Variants in CDH12 observed in about 807,000 individuals in gnomAD.
The protein encoded by CDH12 is cadherin-12.
Under a neutral mutation model 74.1 loss-of-function variants are expected in CDH12, and 41 were observed. The observed-to-expected ratio is 0.55, with a 90% CI of 0.43 to 0.72. CDH12 has a LOEUF of 0.72. CDH12 is among the 30% of genes least tolerant of loss of function. CDH12 has a pLI of 0.00. For missense variants in CDH12, 945 were observed against 977.2 expected (o/e 0.97, Z 0.44); for synonymous variants, 399 against 355.0 (o/e 1.12, Z -1.39).
At chr5:22,822,946 C>T (rs1417978010) in intron 1 of CDH12, among the ~76,000 whole-genome samples, 2 of 151,956 alleles carry the variant, frequency 1.3e-5, no homozygotes, top group African/African-American at 2.4e-5. Flanking sequence ...ATGTTTATTG[C>T]AGCACTATTC....
chr5:21,885,193 C>T (rs1201693551), intron 6 of CDH12, among the ~76,000 whole-genome samples: 1 of 152,098 alleles, frequency 6.6e-6, no homozygotes, highest in East Asian at 1.9e-4. Context: ...AGGCAAAAGG[C>T]CCTGTTTTAA....
intron 8 of CDH12, 70 bp downstream of exon 8, chr5:21,842,091 T>A (rs1749896239): frequency 8.9e-7 from 1 of 1,124,766 alleles, no homozygotes; most frequent in African/African-American, 1.6e-5. Context: ...GTCATTCCCA[T>A]AGCATTCAAT....
At chr5:22,705,546 C>G (rs1742962915) in intron 1 of CDH12, among the ~76,000 whole-genome samples, 1 of 150,142 alleles carries the variant, frequency 6.7e-6, no homozygotes, top group African/African-American at 2.4e-5. Flanking sequence ...CACCAATGCA[C>G]CATTTAGGCA....
intron 6 of CDH12, among the ~76,000 whole-genome samples, chr5:21,948,943 G>A (rs941498635): frequency 1.7e-4 from 26 of 151,450 alleles, no homozygotes; most frequent in Non-Finnish European, 3.0e-4. Flanking sequence ...CTGTTGTCTT[G>A]TGAAGAAGAT....
chr5:21,900,360 A>C (rs988247753), intron 6 of CDH12, among the ~76,000 whole-genome samples: 1 of 152,214 alleles, frequency 6.6e-6, no homozygotes, highest in Admixed American at 6.5e-5. Flanking sequence ...AACGATAACC[A>C]GTTATTAGTG....
At chr5:22,214,625 G>A (rs927663679) in intron 3 of CDH12, among the ~76,000 whole-genome samples, 1 of 152,168 alleles carries the variant, frequency 6.6e-6, no homozygotes, top group African/African-American at 2.4e-5. Flanking sequence ...GTCCCATTCT[G>A]AGGATCTTAA....
At chr5:22,053,651 T>C (rs1162726505) in intron 5 of CDH12, among the ~76,000 whole-genome samples, 1 of 152,074 alleles carries the variant, frequency 6.6e-6, no homozygotes. Flanking sequence ...CAGAAGACAA[T>C]AGTACTTCCC....
intron 4 of CDH12, among the ~76,000 whole-genome samples, chr5:22,097,322 C>T (rs1397399739): frequency 6.6e-6 from 1 of 152,192 alleles, no homozygotes; most frequent in African/African-American, 2.4e-5. Flanking sequence ...TGAAGACTGA[C>T]ACTGCCCGAT....
chr5:22,308,809 AACACAC>A (rs774664506), intron 3 of CDH12, among the ~76,000 whole-genome samples: 27 of 85,380 alleles, frequency 3.2e-4, no homozygotes, highest in East Asian at 2.6e-3. Context: ...CAAATACACA[AACACAC>A]ACACACACAC....
chr5:22,430,823 A>G (rs773775387), intron 2 of CDH12, among the ~76,000 whole-genome samples: 5 of 151,614 alleles, frequency 3.3e-5, no homozygotes, highest in Non-Finnish European at 5.9e-5. Context: ...ATTAGAAACT[A>G]CTTTTTTTTT....
chr5:22,169,598 A>G (rs1748897421), intron 4 of CDH12, among the ~76,000 whole-genome samples: 2 of 151,986 alleles, frequency 1.3e-5, no homozygotes, highest in Admixed American at 1.3e-4. Context: ...ATTCTGGAGT[A>G]TAATTACACC....
chr5:22,828,093 G>A (rs1339930461), intron 1 of CDH12, among the ~76,000 whole-genome samples: 1 of 152,046 alleles, frequency 6.6e-6, no homozygotes, highest in Non-Finnish European at 1.5e-5. Context: ...GGGATCCAGA[G>A]GCAGAAATAA....
chr5:22,028,797 T>C (rs962710595), intron 5 of CDH12, among the ~76,000 whole-genome samples: 19 of 152,158 alleles, frequency 1.2e-4, no homozygotes, highest in Non-Finnish European at 1.8e-4. Flanking sequence ...AGAGCCCGCA[T>C]CATCAAGACA....
chr5:22,315,119 C>CTTTTTTTTGTTTTTTTTTTTT (rs1738570805), intron 3 of CDH12, among the ~76,000 whole-genome samples: 1 of 22,994 alleles, frequency 4.3e-5, no homozygotes, highest in African/African-American at 2.2e-4. Flanking sequence ...GCCTGCCTGG[C>CTTTTTTTTGTTTTTTTTTTTT]TTTTTTTTTT....
Position 21,866,197 on chromosome 5 carries a change from T to C in CDH12, c.527-11407A>G, listed in dbSNP as rs562468603. Among the ~76,000 whole-genome samples the C allele has an allele frequency of 2.0e-5, 3 of 152,276 alleles. No homozygotes were observed. The South Asian group carries it at 6.2e-4, about 32-fold the overall frequency. On this transcript the variant is annotated intron_variant, in intron 6 of 14. Transcript: ENST00000382254. ...AATTGCCCAGACTCCAGTGTTTTTATTGGCAGTGTGAAAAAGGACTAATAC... is the reference window on the plus strand; with the variant it reads ...AATTGCCCAGACTCCAGTGTTTTTACTGGCAGTGTGAAAAAGGACTAATAC...
intron 1 of CDH12, among the ~76,000 whole-genome samples, chr5:22,823,192 T>G (rs533486624): frequency 2.2e-5 from 3 of 135,066 alleles, no homozygotes; most frequent in Non-Finnish European, 3.1e-5. Context: ...ATGAGAACAC[T>G]TGGACACAGG....
intron 4 of CDH12, among the ~76,000 whole-genome samples, chr5:22,094,946 C>T (rs4701568): frequency 0.17 from 25,870 of 152,088 alleles, 2,625 homozygotes; most frequent in African/African-American, 0.28. Flanking sequence ...GGGCCCACCC[C>T]TATCTCCCTT....
chr5:22,145,121 T>C (rs989295386), intron 4 of CDH12, among the ~76,000 whole-genome samples: 11 of 152,190 alleles, frequency 7.2e-5, no homozygotes, highest in South Asian at 4.1e-4. Flanking sequence ...CATAGAAACT[T>C]GAATCCAGTT....
chr5:22,072,544 GTGTGT>G (rs1195076161), intron 5 of CDH12, among the ~76,000 whole-genome samples: 1 of 149,708 alleles, frequency 6.7e-6, no homozygotes, highest in African/African-American at 2.5e-5. Flanking sequence ...GTGTGTGTGT[GTGTGT>G]GTGTGTGTGT....
Sources: gnomAD v4.1 joint callset for allele counts (sites outside exome capture counted in the v4.1 genomes callset) on GRCh38, gnomAD v4.1.1 for gene constraint, MANE v1.5 for transcripts, NCBI Gene and HGNC (gene_info 2026-07-23, HGNC 2026-07-21) for gene names.